The following SIPA1L1 variants were observed in gnomAD, a reference collection of about 807,000 sequenced individuals.
The protein encoded by SIPA1L1 is signal induced proliferation associated 1 like 1.
Under a neutral mutation model 162.7 loss-of-function variants are expected in SIPA1L1, and 26 were observed. The observed-to-expected ratio is 0.16, with a 90% confidence interval of 0.12 to 0.22. SIPA1L1 has a LOEUF of 0.22. SIPA1L1 is among the 10% of genes least tolerant of loss of function. The pLI is 1.00. For missense variants in SIPA1L1, 1,874 were observed against 2,241.0 expected, an observed-to-expected ratio of 0.84 and a Z score of 3.31; for synonymous variants, 829 against 837.4, an observed-to-expected ratio of 0.99 and a Z score of 0.17.
chr14:71,541,844 C>T (rs895610992), intron 4 of SIPA1L1, among the ~76,000 whole-genome samples: 14 of 152,080 alleles, frequency 9.2e-5, no homozygotes, highest in African/African-American at 3.4e-4. Flanking sequence ...GATTCTAGTG[C>T]CAGTTATTGT....
intron 2 of SIPA1L1, among the ~76,000 whole-genome samples, chr14:71,435,395 A>G (rs988921165): frequency 5.3e-5 from 8 of 152,114 alleles, no homozygotes; most frequent in African/African-American, 1.9e-4. Context: ...CTCATTGTTC[A>G]ATTCCCACCT....
At chr14:71,709,144 A>T in intron 16 of SIPA1L1, 78 bp from the exon 17 acceptor site, 1 of 1,232,128 alleles carries the variant, frequency 8.1e-7, no homozygotes, top group Non-Finnish European at 1.1e-6. Flanking sequence ...ACTAGAAATT[A>T]ATCACAGTGT....
chr14:71,529,178 G>A, intron 3 of SIPA1L1, 134 bp from the exon 4 acceptor site: 1 of 403,836 alleles, frequency 2.5e-6, no homozygotes, highest in East Asian at 3.6e-5. Flanking sequence ...TAATTTAAAA[G>A]CAACTATTTA....
chr14:71,449,079 C>G (rs773720263), intron 2 of SIPA1L1: 6 of 152,218 alleles, frequency 3.9e-5, no homozygotes, highest in Non-Finnish European at 7.3e-5. Flanking sequence ...CAGGTGTTTG[C>G]TCTTTGAGTC....
intron 4 of SIPA1L1, among the ~76,000 whole-genome samples, chr14:71,577,878 C>T (rs2033335398): frequency 6.6e-6 from 1 of 152,050 alleles, no homozygotes; most frequent in African/African-American, 2.4e-5. Flanking sequence ...ACCACAGGCA[C>T]ACACCACCAC....
intron 4 of SIPA1L1, among the ~76,000 whole-genome samples, chr14:71,564,481 A>C (rs1423968588): frequency 7.8e-5 from 2 of 25,572 alleles, no homozygotes; most frequent in Admixed American, 4.1e-4. Context: ...TATCCTCGGC[A>C]TTTTCTTTCT....
intron 2 of SIPA1L1, among the ~76,000 whole-genome samples, chr14:71,485,221 A>G (rs1338048204): frequency 6.6e-6 from 1 of 152,214 alleles, no homozygotes; most frequent in Non-Finnish European, 1.5e-5. Context: ...TATTACAGTT[A>G]AGTCCATGAA....
chr14:71,624,379 T>C (rs2148604962), intron 7 of SIPA1L1, 143 bp downstream of exon 7: 1 of 693,016 alleles, frequency 1.4e-6, no homozygotes, highest in East Asian at 3.0e-5. Context: ...TTACTCATTT[T>C]GTTTTTTCTT....
intron 4 of SIPA1L1, chr14:71,573,426 G>A: frequency 2.7e-6 from 1 of 375,254 alleles, no homozygotes. Flanking sequence ...ATTTCAGTGG[G>A]TGGCGCATCA....
Position 71,730,162 on chromosome 14 carries a change from G to T in SIPA1L1, c.4722G>T (p.Glu1574Asp). 2 of 1,614,174 alleles carry T rather than the reference G, an allele frequency of 1.2e-6. No individual in the cohort carries two copies. Among genetic ancestry groups the T allele is most frequent in the Non-Finnish European group, 1.7e-6 (2 of 1,180,030 alleles). Residue 1574 changes from glutamate (E) to aspartate (D), a missense_variant, in exon 20 of 24, where the codon GAG becomes GAT. Physicochemically the swap from Glu to Asp is conservative, Grantham distance 45 (BLOSUM62 2). This residue lies in a region of SIPA1L1 where 936 missense variants were observed against 1,051.9 expected (regional missense o/e 0.89). Transcript: ENST00000381232. Reference protein sequence around the residue: ...SDESIYNSQREHFFTSRASLL... With the variant: ...SDESIYNSQRDHFFTSRASLL... ...AGAGCATTTACAATAGCCAGAGGGA[G>T]CACTTTTTCACCTCCAGGGCGTCAC...
At chr14:71,606,604 A>T (rs2148187694) in intron 5 of SIPA1L1, among the ~76,000 whole-genome samples, 1 of 152,126 alleles carries the variant, frequency 6.6e-6, no homozygotes, top group Middle Eastern at 3.4e-3. Flanking sequence ...TGTTTGTTTC[A>T]GGGCCTGCAA....
At chr14:71,321,968 T>G in intron 2 of SIPA1L1, among the ~76,000 whole-genome samples, 1 of 152,236 alleles carries the variant, frequency 6.6e-6, no homozygotes, top group East Asian at 1.9e-4. Flanking sequence ...CATTTGGGGA[T>G]TGATGGCTCC....
chr14:71,598,493 G>T (rs1450091158), intron 5 of SIPA1L1, among the ~76,000 whole-genome samples: 2 of 152,156 alleles, frequency 1.3e-5, no homozygotes, highest in Non-Finnish European at 2.9e-5. Context: ...TGCCCAAGAG[G>T]CACAACCCCA....
intron 2 of SIPA1L1, among the ~76,000 whole-genome samples, chr14:71,426,973 G>A (rs1013320776): frequency 2.0e-5 from 3 of 152,124 alleles, no homozygotes; most frequent in Non-Finnish European, 2.9e-5. Flanking sequence ...AACAAAATGT[G>A]GCATTGTAAC....
chr14:71,471,670 A>G (rs2047472345), intron 2 of SIPA1L1, among the ~76,000 whole-genome samples: 2 of 152,252 alleles, frequency 1.3e-5, no homozygotes, highest in South Asian at 2.1e-4. Context: ...GCCAAGGACA[A>G]CTTACTCATT....
At chr14:71,664,966 G>T (rs2043863600) in intron 10 of SIPA1L1, among the ~76,000 whole-genome samples, 1 of 152,126 alleles carries the variant, frequency 6.6e-6, no homozygotes, top group South Asian at 2.1e-4. Context: ...AAGGACAGAA[G>T]CCTAGAAATG....
At chr14:71,433,845 G>T (rs943419155) in intron 2 of SIPA1L1, among the ~76,000 whole-genome samples, 1 of 152,134 alleles carries the variant, frequency 6.6e-6, no homozygotes, top group Non-Finnish European at 1.5e-5. Context: ...AATGAATTAT[G>T]CCCAACCTTT....
intron 5 of SIPA1L1, among the ~76,000 whole-genome samples, chr14:71,602,451 T>G (rs996718939): frequency 1.3e-5 from 2 of 152,258 alleles, no homozygotes; most frequent in Non-Finnish European, 2.9e-5. Flanking sequence ...TTTTAAAGTT[T>G]TGTTGAGACT....
At chr14:71,333,536 G>A (rs368784589) in intron 2 of SIPA1L1, among the ~76,000 whole-genome samples, 5 of 152,258 alleles carry the variant, frequency 3.3e-5, no homozygotes, top group African/African-American at 9.6e-5. Context: ...GTTGCTTTTC[G>A]TAAATCTGGT....
Sources: gnomAD v4.1 joint callset for allele counts (sites outside exome capture counted in the v4.1 genomes callset) on GRCh38, gnomAD v4.1.1 for gene constraint, gnomAD v4.1.1 regional missense constraint, MANE v1.5 for transcripts, NCBI Gene and HGNC (gene_info 2026-07-23, HGNC 2026-07-21) for gene names.